Variants in RASA3 observed in about 807,000 individuals in gnomAD.
RASA3 encodes RAS p21 protein activator 3, also known as ras GTPase-activating protein 3.
In RASA3, 73 loss-of-function variants were observed where a neutral mutation model predicts 110.0. The ratio of observed to expected loss-of-function variants is 0.66; its 90% CI spans 0.55 to 0.81. The LOEUF is 0.81. Among genes scored for constraint, RASA3 ranks in the 30% least tolerant of loss-of-function variants. RASA3 has a pLI of 0.00. For missense variants in RASA3, 976 were observed against 1,113.2 expected, an observed-to-expected ratio of 0.88 and a Z score of 1.75; for synonymous variants, 500 against 451.4, an observed-to-expected ratio of 1.11 and a Z score of -1.37.
intron 3 of RASA3, among the ~76,000 whole-genome samples, chr13:114,043,148 G>C (rs760071667): frequency 6.6e-6 from 1 of 152,158 alleles, no homozygotes; most frequent in Non-Finnish European, 1.5e-5. Context: ...GAGGGTCTGA[G>C]ACACGCCCAG....
intron 23 of RASA3, among the ~76,000 whole-genome samples, 178 bp downstream of exon 23, chr13:113,981,497 G>A (rs1424857266): frequency 3.3e-5 from 5 of 152,174 alleles, no homozygotes; most frequent in Non-Finnish European, 5.9e-5. Context: ...GACCAGCAGC[G>A]CCGGGCCACG....
intron 21 of RASA3, among the ~76,000 whole-genome samples, chr13:113,993,821 A>G (rs1361705648): frequency 6.7e-6 from 1 of 148,522 alleles, no homozygotes; most frequent in South Asian, 2.1e-4. Flanking sequence ...AAAAAAAAAA[A>G]AAAAAAAAAA....
chr13:114,017,493 G>A (rs1024259460), intron 11 of RASA3, 142 bp from the exon 12 acceptor site: 3 of 692,214 alleles, frequency 4.3e-6, no homozygotes, highest in African/African-American at 3.5e-5. Flanking sequence ...TTTACAAGGA[G>A]CACAACCAGG....
intron 2 of RASA3, among the ~76,000 whole-genome samples, chr13:114,052,796 TACTTAGAGTCCTC>T (rs2079169908): frequency 5.4e-5 from 7 of 128,590 alleles, no homozygotes; most frequent in African/African-American, 1.5e-4. Context: ...CTGCTGACTG[TACTTAGAGTCCTC>T]GCTCCTGGGG....
intron 1 of RASA3, among the ~76,000 whole-genome samples, chr13:114,119,259 C>T (rs1426141298): frequency 4.6e-5 from 7 of 152,328 alleles, no homozygotes; most frequent in African/African-American, 1.4e-4. Flanking sequence ...TTTCCATAAA[C>T]ACATTCTTGG....
chr13:114,124,565 C>T (rs924617632), intron 1 of RASA3, among the ~76,000 whole-genome samples: 3 of 152,244 alleles, frequency 2.0e-5, no homozygotes, highest in Admixed American at 6.5e-5. Flanking sequence ...AGACCCTGAA[C>T]CATCTGTCAC....
At position 114,064,104 on chromosome 13, in the gene RASA3, C is replaced by T. The variant is rs11843455; in HGVS notation, c.173+9616G>A. Among the ~76,000 whole-genome samples the T allele has an allele frequency of 2.7e-4, 41 of 152,184 alleles. 2 individuals are homozygous for T. In the East Asian group the frequency reaches 7.9e-3, roughly 29 times the overall value. ...GAGGATCTTTTTTGAACTAAAAAAA[C>T]CCCCACAAATTTGTTAAATTTGTCA... On this transcript the variant is annotated intron_variant, in intron 2 of 23. Transcript: ENST00000334062.
intron 1 of RASA3, among the ~76,000 whole-genome samples, chr13:114,105,646 T>C (rs2080123187): frequency 6.6e-6 from 1 of 152,164 alleles, no homozygotes; most frequent in Admixed American, 6.5e-5. Context: ...TCACCCAGCC[T>C]GAGGCTGGAC....
intron 9 of RASA3, among the ~76,000 whole-genome samples, chr13:114,020,295 G>C (rs1167379273): frequency 3.3e-5 from 5 of 152,170 alleles, no homozygotes; most frequent in Admixed American, 3.3e-4. Context: ...GCCTGTGTCT[G>C]AGGCATTAGC....
chr13:114,072,333 G>A (rs552531649), intron 2 of RASA3, among the ~76,000 whole-genome samples: 3 of 152,202 alleles, frequency 2.0e-5, no homozygotes, highest in South Asian at 2.1e-4. Flanking sequence ...TCCTGGGGTC[G>A]GCACCCACAT....
rs757705733 is a variant in RASA3, at chr13:114,052,876, C to T, written c.174-721G>A. ...TCCTCGCTCCTGGGGGAGAGACCCC[C>T]GCTGCTGACTGTGCTTAGAGTCCTG... is the stretch of plus-strand genomic sequence containing the variant. On this transcript the variant is annotated intron_variant, in intron 2 of 23. Coordinates refer to ENST00000334062, the MANE Select transcript of RASA3 (RefSeq NM_007368.4). 2.7e-3 allele frequency among the ~76,000 whole-genome samples: 387 copies of T among 144,438 alleles called. 2 individuals are homozygous for T. The highest frequency in any genetic ancestry group is 8.4e-3 in the African/African-American group (319 of 37,956). The allele number at this position is 144,438 out of a possible 152,430, so 94.8% of individuals were successfully genotyped here.
At chr13:114,081,046 C>G (rs12872203) in intron 1 of RASA3, among the ~76,000 whole-genome samples, 2,341 of 133,908 alleles carry the variant, frequency 0.017, 43 homozygotes, top group African/African-American at 0.054. Context: ...GGCCGTCCAC[C>G]TAGAACACCA....
Position 114,057,601 on chromosome 13 carries a change from C to G in RASA3, c.174-5446G>C. 2.4e-6 allele frequency: 2 copies of G among 817,910 alleles called. No individual in the cohort carries two copies. Among genetic ancestry groups the G allele is most frequent in the Non-Finnish European group, 3.0e-6 (2 of 677,502 alleles). 50.7% of individuals were successfully genotyped at this position (817,910 alleles called of 1,614,324 possible). On this transcript the variant is annotated intron_variant, in intron 2 of 23. Coordinates refer to ENST00000334062, the MANE Select transcript of RASA3 (RefSeq NM_007368.4). The surrounding 1 kb of genome is among the most constrained non-coding windows in gnomAD (Gnocchi z 5.0). ...AACCTCTCCCCACAATGACTGTGCA[C>G]AGAGCCAGCCTGACACCCAAGGCCA...
intron 1 of RASA3, among the ~76,000 whole-genome samples, chr13:114,092,177 G>A (rs934968044): frequency 2.0e-5 from 3 of 151,456 alleles, no homozygotes; most frequent in Non-Finnish European, 2.9e-5. Flanking sequence ...ATTTCTGCTC[G>A]GATCTTTGTT....
At chr13:114,107,327 C>T (rs1025227904) in intron 1 of RASA3, among the ~76,000 whole-genome samples, 14 of 134,606 alleles carry the variant, frequency 1.0e-4, no homozygotes, top group Non-Finnish European at 1.8e-4. Context: ...CTGTGTGTCC[C>T]TCCTTCGTGT....
intron 1 of RASA3, among the ~76,000 whole-genome samples, chr13:114,091,259 T>C (rs1429939407): frequency 6.6e-6 from 1 of 152,044 alleles, no homozygotes; most frequent in Non-Finnish European, 1.5e-5. Flanking sequence ...GTGGAAAGGC[T>C]TCCGAGATTT....
rs201529854 is a variant in RASA3 at position 114,055,126 on chromosome 13, G to A, written c.174-2971C>T. On this transcript the variant is annotated intron_variant, in intron 2 of 23. Coordinates refer to ENST00000334062, the MANE Select transcript of RASA3 (RefSeq NM_007368.4). ...CGTATGTGTGTCCCCACAGGCAGGT[G>A]TGCATGTTCATGTGCATGTGTGTGC... 8.1e-3 allele frequency among the ~76,000 whole-genome samples: 1,209 copies of A among 150,018 alleles called. 9 individuals are homozygous for A. Among genetic ancestry groups the A allele is most frequent in the African/African-American group, 0.028 (1,161 of 41,454 alleles).
intron 1 of RASA3, among the ~76,000 whole-genome samples, chr13:114,092,068 T>G (rs1370577285): frequency 6.6e-6 from 1 of 152,148 alleles, no homozygotes; most frequent in Non-Finnish European, 1.5e-5. Flanking sequence ...TTATCTTTTT[T>G]TTTTCTTAGT....
chr13:114,030,490 A>G (rs28605454), intron 4 of RASA3, among the ~76,000 whole-genome samples: 4,141 of 94,248 alleles, frequency 0.044, 210 homozygotes, highest in African/African-American at 0.12. Context: ...AGAGGGCAAG[A>G]CTCACACAGA....
Sources: allele counts gnomAD v4.1 joint callset (sites outside exome capture counted in the v4.1 genomes callset), GRCh38; gene constraint gnomAD v4.1.1; non-coding constraint Gnocchi (gnomAD v3.1); transcripts MANE v1.5; gene names NCBI Gene and HGNC (gene_info 2026-07-23, HGNC 2026-07-21).